Variants in PDCD6IP observed in about 807,000 individuals in gnomAD.
PDCD6IP encodes programmed cell death 6 interacting protein.
PDCD6IP carries 43 observed loss-of-function variants against 103.7 expected under a neutral mutation model. The ratio of observed to expected loss-of-function variants is 0.41; its 90% CI spans 0.32 to 0.53. The LOEUF (loss-of-function observed/expected upper bound fraction) is 0.53, where lower values mean the gene tolerates loss of function less well. Ranked by LOEUF, PDCD6IP falls within the 20% of genes least tolerant of loss-of-function variation. PDCD6IP has a pLI of 0.16. For synonymous variants in PDCD6IP, 354 were observed against 378.7 expected, an observed-to-expected ratio of 0.93 and a Z score of 0.76; for missense variants, 871 against 1,036.7, an observed-to-expected ratio of 0.84 and a Z score of 2.20.
intron 15 of PDCD6IP, among the ~76,000 whole-genome samples, chr3:33,863,547 A>C (rs1458196457): frequency 6.6e-6 from 1 of 152,216 alleles, no homozygotes; most frequent in Non-Finnish European, 1.5e-5. Context: ...TATTTCACTT[A>C]TCATGATGGC....
Position 33,798,764 on chromosome 3 carries a change from C to T in PDCD6IP, c.36C>T (p.Thr12=), listed in dbSNP as rs1007323197. The change falls in exon 1 of 18, where the codon ACC becomes ACT. Residue 12 remains threonine (T), a synonymous_variant. Transcript: ENST00000307296. ...TCATCTCGGTGCAGCTGAAAAAGAC[C>T]TCAGAGGTGGACCTGGCCAAGCCGC... The part of the protein sequence containing the change: ...ATFISVQLKK[T]SEVDLAKPLV... The T allele has an allele frequency of 2.7e-5, 42 of 1,575,382 alleles. No individual in the cohort carries two copies. Among genetic ancestry groups the T allele is most frequent in the Non-Finnish European group, 3.5e-5 (41 of 1,161,266 alleles).
At chr3:33,819,849 A>G (rs191931003) in intron 3 of PDCD6IP, among the ~76,000 whole-genome samples, 98 of 152,322 alleles carry the variant, frequency 6.4e-4, no homozygotes, top group Non-Finnish European at 1.1e-3. Context: ...TTATTTTTCA[A>G]TTGTGATACA....
intron 1 of PDCD6IP, among the ~76,000 whole-genome samples, chr3:33,807,880 C>G (rs1696632566): frequency 6.6e-6 from 1 of 152,182 alleles, no homozygotes; most frequent in African/African-American, 2.4e-5. Context: ...AAAAGTTTGC[C>G]AGTCCTGGCT....
At chr3:33,823,404 T>C (rs1277608511) in intron 4 of PDCD6IP, among the ~76,000 whole-genome samples, 10 of 152,230 alleles carry the variant, frequency 6.6e-5, no homozygotes, top group Non-Finnish European at 1.3e-4. Context: ...AAATTGTGGC[T>C]TGCCTTACAG....
Position 33,867,536 on chromosome 3 carries a change from T to A in PDCD6IP, c.*1011T>A, listed in dbSNP as rs1048340652. 6.6e-6 allele frequency: 1 copy of A among 152,352 alleles called. No homozygotes were observed. Among genetic ancestry groups the A allele is most frequent in the East Asian group, 1.9e-4 (1 of 5,196 alleles). 9.4% of individuals were successfully genotyped at this position (152,352 alleles called of 1,614,324 possible). On this transcript the variant is annotated 3_prime_UTR_variant, in exon 18 of 18. Transcript: ENST00000307296. Reference sequence around the variant, plus strand: ...ATGAATAGATCTAAGCCATTTAATTTTTTTTCCTTAAAGATTGGAGTATTT... The same window carrying A: ...ATGAATAGATCTAAGCCATTTAATTATTTTTCCTTAAAGATTGGAGTATTT...
chr3:33,813,851 C>T (rs559845236), intron 3 of PDCD6IP, among the ~76,000 whole-genome samples: 1 of 152,240 alleles, frequency 6.6e-6, no homozygotes, highest in Admixed American at 6.5e-5. Flanking sequence ...AACCGATGTA[C>T]TTAGTTTTTG....
At position 33,848,794 on chromosome 3, in the gene PDCD6IP, C is replaced by T. The variant is rs1157042020; in HGVS notation, c.1641+3206C>T. 3.3e-5 allele frequency among the ~76,000 whole-genome samples: 5 copies of T among 152,264 alleles called. No individual in the cohort carries two copies. The East Asian group carries it at 9.7e-4, about 29-fold the overall frequency. On this transcript the variant is annotated intron_variant, in intron 12 of 17. Coordinates refer to ENST00000307296, the MANE Select transcript of PDCD6IP (RefSeq NM_013374.6). Reference sequence around the variant, plus strand: ...TAAAACTGGGGTCAGGAAGCTGTGGCTTGTGGGCCAAATCCAGCCTGCCTC... The same window carrying T: ...TAAAACTGGGGTCAGGAAGCTGTGGTTTGTGGGCCAAATCCAGCCTGCCTC...
chr3:33,838,157 G>A (rs1004426159), intron 8 of PDCD6IP, 47 bp from the exon 9 acceptor site: 10 of 1,558,504 alleles, frequency 6.4e-6, no homozygotes, highest in South Asian at 2.3e-5. Context: ...TTTACAGTTC[G>A]GGTTTTTGTC....
rs531187853 is a variant in PDCD6IP at position 33,807,193 on chromosome 3, C to G, written c.210-4879C>G. Among the ~76,000 whole-genome samples, 23 of 152,262 alleles carry G rather than the reference C, an allele frequency of 1.5e-4. No individual in the cohort carries two copies. In the South Asian group the frequency reaches 4.6e-3, roughly 30 times the overall value. Reference sequence around the variant, plus strand: ...ATTCAGTTTAGCCATTCTTCTTTTCCTCACCCATTTGCAGAGGAAGTAACC... The same window carrying G: ...ATTCAGTTTAGCCATTCTTCTTTTCGTCACCCATTTGCAGAGGAAGTAACC... On this transcript the variant is annotated intron_variant, in intron 1 of 17. Coordinates refer to ENST00000307296, the MANE Select transcript of PDCD6IP (RefSeq NM_013374.6).
At chr3:33,809,571 A>C (rs1696671954) in intron 1 of PDCD6IP, among the ~76,000 whole-genome samples, 1 of 152,242 alleles carries the variant, frequency 6.6e-6, no homozygotes, top group Admixed American at 6.5e-5. Flanking sequence ...TTTCCTGAGT[A>C]CAAAGATATT....
chr3:33,802,895 C>T (rs1433427333), intron 1 of PDCD6IP, among the ~76,000 whole-genome samples: 4 of 152,186 alleles, frequency 2.6e-5, no homozygotes, highest in Admixed American at 6.5e-5. Context: ...GTTCCAGCCT[C>T]ACATTGAACT....
chr3:33,841,063 T>G (rs964117652), intron 9 of PDCD6IP, among the ~76,000 whole-genome samples: 6 of 151,162 alleles, frequency 4.0e-5, no homozygotes, highest in African/African-American at 1.5e-4. Flanking sequence ...AGTCTCACTC[T>G]GTCGCCCAGG....
At chr3:33,826,707 T>C in intron 6 of PDCD6IP, 127 bp downstream of exon 6, 1 of 1,398,390 alleles carries the variant, frequency 7.2e-7, no homozygotes, top group Non-Finnish European at 9.4e-7. Flanking sequence ...CTGAAGTATA[T>C]AGTAGAAATA....
intron 8 of PDCD6IP, among the ~76,000 whole-genome samples, chr3:33,837,640 G>A (rs1697379684): frequency 6.6e-6 from 1 of 151,736 alleles, no homozygotes; most frequent in Admixed American, 6.6e-5. Flanking sequence ...CCAGGCTGTG[G>A]TGCAGTGGTG....
At chr3:33,850,191 T>A (rs1308728242) in intron 12 of PDCD6IP, among the ~76,000 whole-genome samples, 1 of 152,234 alleles carries the variant, frequency 6.6e-6, no homozygotes, top group African/African-American at 2.4e-5. Context: ...TGAATTTTCT[T>A]AGTAGTAACC....
chr3:33,825,351 T>C lies in PDCD6IP; in HGVS notation c.616+11T>C. 1 of 1,583,296 alleles carries C rather than the reference T, an allele frequency of 6.3e-7. No individual in the cohort carries two copies. The highest frequency in any genetic ancestry group is 1.7e-4 in the Middle Eastern group (1 of 5,894). On this transcript the variant is annotated intron_variant, in intron 5 of 17. Transcript: ENST00000307296. ...TAAAAGCCACAAGAGGTAACTCCAA[T>C]TTATCTTTTTGTTGCATGTGAAAAA...
chr3:33,813,494 A>C (rs1696762976), intron 2 of PDCD6IP, 65 bp from the exon 3 acceptor site: 1 of 972,104 alleles, frequency 1.0e-6, no homozygotes, highest in Non-Finnish European at 1.6e-6. Context: ...TCTTCAAAGA[A>C]GACTTAATAT....
At chr3:33,839,971 T>G (rs998299299) in intron 9 of PDCD6IP, among the ~76,000 whole-genome samples, 16 of 152,182 alleles carry the variant, frequency 1.1e-4, no homozygotes, top group Admixed American at 9.8e-4. Flanking sequence ...AAAGACTTCT[T>G]TACATATTTT....
chr3:33,819,981 C>T (rs1696951514), intron 3 of PDCD6IP, among the ~76,000 whole-genome samples: 1 of 152,104 alleles, frequency 6.6e-6, no homozygotes, highest in Admixed American at 6.5e-5. Flanking sequence ...CAAACTCTGC[C>T]CAGTAAATGA....
Sources: gnomAD v4.1 joint callset for allele counts (sites outside exome capture counted in the v4.1 genomes callset) on GRCh38, gnomAD v4.1.1 for gene constraint, MANE v1.5 for transcripts, NCBI Gene and HGNC (gene_info 2026-07-23, HGNC 2026-07-21) for gene names.